The following MKKS variants were observed in gnomAD, a reference collection of about 807,000 sequenced individuals.
The protein encoded by MKKS is molecular chaperone MKKS.
MKKS carries 29 observed loss-of-function variants against 33.2 expected under a neutral mutation model. The observed-to-expected ratio is 0.87, with a 90% CI of 0.65 to 1.19. The LOEUF (loss-of-function observed/expected upper bound fraction) is 1.19, where lower values mean the gene tolerates loss of function less well. MKKS is among the 50% of genes most tolerant of loss of function. MKKS has a pLI of 0.00. For missense variants in MKKS, 661 were observed against 662.3 expected (o/e 1.00, Z 0.02); for synonymous variants, 260 against 244.0 (o/e 1.07, Z -0.61).
At chr20:10,427,029 G>GACACACACACACAC (rs377703248) in intron 1 of MKKS, among the ~76,000 whole-genome samples, 1,521 of 130,700 alleles carry the variant, frequency 0.012, 29 homozygotes, top group Middle Eastern at 0.017. Flanking sequence ...AGAAAACACT[G>GACACACACACACAC]ACACACACAC....
chr20:10,415,107 AG>A (rs1600850895), intron 2 of MKKS, among the ~76,000 whole-genome samples: 2 of 152,348 alleles, frequency 1.3e-5, no homozygotes, highest in East Asian at 3.9e-4. Context: ...GCTAAAAAAA[AG>A]TGTGCCTTGA....
In MKKS at chr20:10,434,131, C is replaced by T. The variant is rs1053515527; in HGVS notation, c.-672G>A. On this transcript the variant is annotated 5_prime_UTR_variant, in exon 1 of 6. Coordinates refer to ENST00000347364, the MANE Select transcript of MKKS (RefSeq NM_170784.3). ...ACCTGCGCACCAGCCGTCGCGCCGC[C>T]CCAGGCCGCCACCGCCAGAGGCCCC... 4 of 152,342 alleles carry T rather than the reference C, an allele frequency of 2.6e-5. No individual in the cohort carries two copies. The highest frequency in any genetic ancestry group is 2.1e-4 in the South Asian group (1 of 4,824). 9.4% of individuals were successfully genotyped at this position (152,342 alleles called of 1,614,324 possible). A position where few individuals can be genotyped will look rare whatever the true frequency, so the allele number is the denominator to read the frequency against.
chr20:10,407,721 C>G lies in MKKS; in HGVS notation c.1167G>C (p.Thr389=), dbSNP rs367980245. 1.7e-5 allele frequency: 27 copies of G among 1,613,136 alleles called. No homozygotes were observed. The highest frequency in any genetic ancestry group is 2.2e-5 in the Non-Finnish European group (26 of 1,179,496). Residue 389 remains threonine, a synonymous_variant, in exon 5 of 6, where the codon ACG becomes ACC. Transcript: ENST00000347364. ...NDTAWDELKL[T]CQTALHVLQL... ...GCAGGACATGCAGTGCCGTCTGACA[C>G]GTGAGCTAAGAAAAAACCCAAATCA...
At chr20:10,431,768 C>A (rs2065054990) in intron 1 of MKKS, 1 of 152,186 alleles carries the variant, frequency 6.6e-6, no homozygotes, top group African/African-American at 2.4e-5. Flanking sequence ...AGCCACTTGT[C>A]TTCTCTGCTA....
chr20:10,422,953 C>T (rs767623258), intron 1 of MKKS, among the ~76,000 whole-genome samples: 10 of 152,004 alleles, frequency 6.6e-5, no homozygotes, highest in African/African-American at 1.2e-4. Context: ...CCTTGCGATC[C>T]GCTCGCCTCG....
In MKKS at chr20:10,403,710, C is replaced by T. The variant is rs191687605; in HGVS notation, c.*1537G>A. The T allele has an allele frequency of 6.6e-6, 1 of 152,146 alleles. No individual in the cohort carries two copies. Among genetic ancestry groups the T allele is most frequent in the East Asian group, 1.9e-4 (1 of 5,156 alleles). The allele number at this position is 152,146 out of a possible 1,614,324, so 9.4% of individuals were successfully genotyped here. On this transcript the variant is annotated 3_prime_UTR_variant, in exon 6 of 6. Transcript: ENST00000347364. ...GACATAAAGGAGTCACTAAGTCTAG[C>T]CCATGCTCAAGGGGAGGAAATTATG...
At position 10,412,701 on chromosome 20, in the gene MKKS, C is replaced by T. The variant is rs1403164079; in HGVS notation, c.814G>A (p.Val272Ile). 1 of 1,614,190 alleles carries T rather than the reference C, an allele frequency of 6.2e-7. No individual in the cohort carries two copies. The highest frequency in any genetic ancestry group is 1.1e-5 in the South Asian group (1 of 91,088). The change falls in exon 3 of 6, where the codon GTC becomes ATC. Residue 272 changes from valine to isoleucine, a missense_variant. Physicochemically the swap from Val to Ile is conservative, Grantham distance 29. Coordinates refer to ENST00000347364, the MANE Select transcript of MKKS (RefSeq NM_170784.3). ...CCTAGGTTAAGCAGCTGGTCCAAGA[C>T]TGCATTTTCAAGAGAAACCCCATAA... ...VSYGVSLENAVLDQLLNLGRQ... is the reference protein window; with the variant it reads ...VSYGVSLENAILDQLLNLGRQ...
Position 10,413,660 on chromosome 20 carries a change from A to T in MKKS, c.-146T>A. 1 of 864,468 alleles carries T rather than the reference A, an allele frequency of 1.2e-6. No homozygotes were observed. The allele number at this position is 864,468 out of a possible 1,614,324, so 53.5% of individuals were successfully genotyped here. On this transcript the variant is annotated 5_prime_UTR_variant, in exon 3 of 6. Transcript: ENST00000347364. ...CAGCATTGTGGCTATAAAATCAAAAAGTTCAATGTTTATGAAGCTAATCAG... is the reference window on the plus strand; with the variant it reads ...CAGCATTGTGGCTATAAAATCAAAATGTTCAATGTTTATGAAGCTAATCAG...
At chr20:10,428,792 C>T (rs1330451253) in intron 1 of MKKS, among the ~76,000 whole-genome samples, 9 of 152,076 alleles carry the variant, frequency 5.9e-5, no homozygotes, top group Non-Finnish European at 1.2e-4. Flanking sequence ...TACAGTGAGT[C>T]GAGATCGCGC....
chr20:10,421,974 C>A (rs2064983733), intron 1 of MKKS, among the ~76,000 whole-genome samples: 1 of 151,914 alleles, frequency 6.6e-6, no homozygotes, highest in Non-Finnish European at 1.5e-5. Context: ...GTTTTAGTAC[C>A]ATGAAATCTC....
At position 10,401,931 on chromosome 20, in the gene MKKS, G is replaced by A. The variant is rs1265048670; in HGVS notation, c.*3316C>T. The A allele has an allele frequency of 6.6e-6, 1 of 152,130 alleles. No individual in the cohort carries two copies. Among genetic ancestry groups the A allele is most frequent in the East Asian group, 1.9e-4 (1 of 5,188 alleles). The allele number at this position is 152,130 out of a possible 1,614,324, so 9.4% of individuals were successfully genotyped here. On this transcript the variant is annotated 3_prime_UTR_variant, in exon 6 of 6. Coordinates refer to ENST00000347364, the MANE Select transcript of MKKS (RefSeq NM_170784.3). ...ATGGTACAAATGGAAGAATTAAAGG[G>A]TAGGATATCTATAAGACCAAATAAG... is the stretch of plus-strand genomic sequence containing the variant.
In MKKS at chr20:10,401,578, A is replaced by G. The variant is rs963988976; in HGVS notation, c.*3669T>C. 25 of 152,342 alleles carry G rather than the reference A, an allele frequency of 1.6e-4. No homozygotes were observed. The highest frequency in any genetic ancestry group is 5.5e-4 in the African/African-American group (23 of 41,582). 9.4% of individuals were successfully genotyped at this position (152,342 alleles called of 1,614,324 possible). On this transcript the variant is annotated 3_prime_UTR_variant, in exon 6 of 6. Coordinates refer to ENST00000347364, the MANE Select transcript of MKKS (RefSeq NM_170784.3). ...GTCAAGGCCTGCATTGATTTTTTAC[A>G]TGATAATTTTAAATAACCTGCATAA...
In MKKS at chr20:10,408,738, A is replaced by G. The variant is rs1459403036; in HGVS notation, c.1051T>C (p.Cys351Arg). 1 of 1,613,908 alleles carries G rather than the reference A, an allele frequency of 6.2e-7. No individual in the cohort carries two copies. Among genetic ancestry groups the G allele is most frequent in the African/African-American group, 1.3e-5 (1 of 75,034 alleles). The change falls in exon 4 of 6, where the codon TGC becomes CGC. Residue 351 changes from cysteine (C) to arginine (R), a missense_variant. Cys to Arg is a radical substitution (Grantham distance 180, BLOSUM62 -3). Transcript: ENST00000347364. ...TGTTTGGAGCCAAATTTTGCAGTGC[A>G]CACATCTTTCACACTTCCATAACTA... is the stretch of plus-strand genomic sequence containing the variant. ...PNSYGSVKDV[C>R]TAKFGSKHFF...
intron 2 of MKKS, among the ~76,000 whole-genome samples, chr20:10,418,844 A>T (rs2064959418): frequency 1.3e-5 from 2 of 152,124 alleles, no homozygotes; most frequent in African/African-American, 4.8e-5. Flanking sequence ...AAGACTATAT[A>T]TATAAAAATC....
At chr20:10,427,455 T>C (rs139088621) in intron 1 of MKKS, among the ~76,000 whole-genome samples, 11 of 152,382 alleles carry the variant, frequency 7.2e-5, no homozygotes, top group Admixed American at 7.2e-4. Context: ...GCTCTTGTGA[T>C]AATGAAACTT....
In MKKS at chr20:10,413,172, T is replaced by A; in HGVS notation, c.343A>T (p.Thr115Ser). 2.5e-6 allele frequency: 4 copies of A among 1,614,108 alleles called. No homozygotes were observed. The highest frequency in any genetic ancestry group is 3.4e-6 in the Non-Finnish European group (4 of 1,180,004). Reference sequence around the variant, plus strand: ...AGATGTTTATTTAATCTAATGACAGTGGTGGGTGTCAAGCCTAATCTCTGA... The same window carrying A: ...AGATGTTTATTTAATCTAATGACAGAGGTGGGTGTCAAGCCTAATCTCTGA... ...NVQRLGLTPT[T>S]VIRLNKHLLS... Residue 115 changes from threonine (T) to serine (S), a missense_variant, in exon 3 of 6, where the codon ACT (threonine) becomes TCT (serine). Physicochemically the swap from Thr to Ser is moderately conservative, Grantham distance 58. Coordinates refer to ENST00000347364, the MANE Select transcript of MKKS (RefSeq NM_170784.3).
chr20:10,414,076 TA>T, intron 2 of MKKS, 145 bp from the exon 3 acceptor site: 1 of 368,588 alleles, frequency 2.7e-6, no homozygotes, highest in Non-Finnish European at 4.8e-6. Flanking sequence ...ATGAGAAAGG[TA>T]GACCAACTTT....
rs1406873762 is a variant in MKKS, at chr20:10,421,348, T to TGGGA, written c.-648-594_-648-591dup. Among the ~76,000 whole-genome samples, 9 of 148,542 alleles carry TGGGA rather than the reference T, an allele frequency of 6.1e-5. No homozygotes were observed. The East Asian group carries it at 1.8e-3, about 29-fold the overall frequency. On this transcript the variant is annotated intron_variant, in intron 1 of 5. Transcript: ENST00000347364. ...CTGAGTCAGGAGACTTGCTTGAACT[T>TGGGA]GGGAGGTGGAGGTTGCAGTGAGCCA...
At chr20:10,426,432 G>C (rs1456822451) in intron 1 of MKKS, among the ~76,000 whole-genome samples, 1 of 152,182 alleles carries the variant, frequency 6.6e-6, no homozygotes, top group Non-Finnish European at 1.5e-5. Context: ...TTTTGGGACA[G>C]TCTCACTCTG....
Sources: gnomAD v4.1 joint callset for allele counts (sites outside exome capture counted in the v4.1 genomes callset) on GRCh38, gnomAD v4.1.1 for gene constraint, MANE v1.5 for transcripts, NCBI Gene and HGNC (gene_info 2026-07-23, HGNC 2026-07-21) for gene names.